The following MPP7 variants were observed in gnomAD, a reference collection of about 807,000 sequenced individuals.
MPP7 encodes MAGUK p55 scaffold protein 7.
Under a neutral mutation model 76.5 loss-of-function variants are expected in MPP7, and 60 were observed. That is an observed-to-expected ratio of 0.78 (90% confidence interval 0.64 to 0.97). MPP7 has a LOEUF of 0.97. Among genes scored for constraint, MPP7 ranks in the 50% least tolerant of loss-of-function variants. MPP7 has a pLI of 0.00. For synonymous variants in MPP7, 237 were observed against 244.5 expected, an observed-to-expected ratio of 0.97 and a Z score of 0.29; for missense variants, 641 against 694.0, an observed-to-expected ratio of 0.92 and a Z score of 0.86.
At chr10:28,267,016 A>C (rs1840168218) in intron 1 of MPP7, among the ~76,000 whole-genome samples, 1 of 152,204 alleles carries the variant, frequency 6.6e-6, no homozygotes, top group Non-Finnish European at 1.5e-5. Context: ...TCAAAGAGCT[A>C]AGGTATGCCG....
chr10:28,133,986 T>A (rs1279350039), intron 5 of MPP7, among the ~76,000 whole-genome samples: 4 of 152,196 alleles, frequency 2.6e-5, no homozygotes, highest in African/African-American at 9.7e-5. Flanking sequence ...TTGTTTTCCG[T>A]TCTTGGCTAG....
At chr10:28,134,202 AATTTGGCCATTCCAAGTG>A (rs1835284745) in intron 5 of MPP7, among the ~76,000 whole-genome samples, 2 of 152,142 alleles carry the variant, frequency 1.3e-5, no homozygotes, top group Non-Finnish European at 2.9e-5. Flanking sequence ...TATTAGTCTA[AATTTGGCCATTCCAAGTG>A]TATAGCGGTA....
At chr10:28,257,736 A>T (rs919652145) in intron 1 of MPP7, among the ~76,000 whole-genome samples, 2 of 86,450 alleles carry the variant, frequency 2.3e-5, no homozygotes, top group African/African-American at 9.3e-5. Context: ...CCTAAAACTT[A>T]AAGTATAATA....
intron 1 of MPP7, among the ~76,000 whole-genome samples, chr10:28,277,760 G>A (rs749520930): frequency 9.2e-5 from 14 of 152,090 alleles, no homozygotes; most frequent in Non-Finnish European, 1.8e-4. Flanking sequence ...TGATAGTGAT[G>A]AGATTAGAAT....
rs1380028449 is a variant in MPP7, at chr10:28,185,409, GA to G, written c.156+16743del. ...TGGGACATGAGTTTCTGGAAGCACA[GA>G]AAAGTACTCAATATACCTGACTGTC... is the stretch of plus-strand genomic sequence containing the variant. On this transcript the variant is annotated intron_variant, in intron 3 of 16. Coordinates refer to ENST00000683449, the MANE Select transcript of MPP7 (RefSeq NM_001318170.2). Among the ~76,000 whole-genome samples, 4 of 152,186 alleles carry G rather than the reference GA, an allele frequency of 2.6e-5. No individual in the cohort carries two copies. The East Asian group carries it at 7.7e-4, about 29-fold the overall frequency.
At chr10:28,133,732 CT>C (rs1449849886) in intron 5 of MPP7, among the ~76,000 whole-genome samples, 1 of 152,158 alleles carries the variant, frequency 6.6e-6, no homozygotes, top group African/African-American at 2.4e-5. Context: ...GTGGCCCCCA[CT>C]TATGCTCATT....
intron 2 of MPP7, among the ~76,000 whole-genome samples, chr10:28,218,001 G>T (rs1050363362): frequency 5.9e-5 from 9 of 152,214 alleles, no homozygotes; most frequent in Non-Finnish European, 1.3e-4. Context: ...CACATATTGG[G>T]TTGATGATTC....
intron 2 of MPP7, among the ~76,000 whole-genome samples, chr10:28,222,398 T>A (rs891310443): frequency 6.6e-6 from 1 of 151,702 alleles, no homozygotes; most frequent in Non-Finnish European, 1.5e-5. Context: ...GGCAGGAGGA[T>A]CACCTGGGCC....
Position 28,291,015 on chromosome 10 carries a change from T to C in MPP7, c.-132+11846A>G, listed in dbSNP as rs1840905982. On this transcript the variant is annotated intron_variant, in intron 1 of 16. Transcript: ENST00000683449. ...CCTGATGACACGATTTTGTAAACTT[T>C]TGCCACCATATATTAACAATGTCCA... Among the ~76,000 whole-genome samples, 3 of 152,350 alleles carry C rather than the reference T, an allele frequency of 2.0e-5. No homozygotes were observed. In the South Asian group the frequency reaches 6.2e-4, roughly 32 times the overall value.
intron 1 of MPP7, among the ~76,000 whole-genome samples, chr10:28,293,043 T>TAAA (rs56883523): frequency 1.6e-5 from 2 of 122,386 alleles, no homozygotes; most frequent in African/African-American, 6.0e-5. Context: ...CCCAGAAGGT[T>TAAA]AAAAAAAAAA....
chr10:28,115,991 TAAG>T (rs1834654375), intron 11 of MPP7, among the ~76,000 whole-genome samples: 1 of 152,172 alleles, frequency 6.6e-6, no homozygotes, highest in African/African-American at 2.4e-5. Flanking sequence ...AATTTTGAAT[TAAG>T]GTTATTCAGT....
upstream of MPP7, among the ~76,000 whole-genome samples, chr10:28,306,848 A>C (rs954645429): frequency 1.3e-5 from 2 of 152,168 alleles, no homozygotes; most frequent in Admixed American, 1.3e-4. Context: ...AAAAGCCAGG[A>C]GGAACTCAAT....
intron 11 of MPP7, among the ~76,000 whole-genome samples, chr10:28,103,216 G>C (rs1853914478): frequency 6.6e-6 from 1 of 150,888 alleles, no homozygotes; most frequent in African/African-American, 2.4e-5. Context: ...CTGTCTCAGG[G>C]CCTTTGCATA....
intron 1 of MPP7, among the ~76,000 whole-genome samples, chr10:28,247,456 T>C (rs953318613): frequency 6.6e-6 from 1 of 152,230 alleles, no homozygotes; most frequent in African/African-American, 2.4e-5. Context: ...TATTTATGTA[T>C]GTATGTTTTG....
intron 11 of MPP7, among the ~76,000 whole-genome samples, chr10:28,108,199 T>G (rs1588779605): frequency 6.6e-6 from 1 of 152,226 alleles, no homozygotes; most frequent in South Asian, 2.1e-4. Flanking sequence ...CTTTGTTTCC[T>G]TTTCTTAAAA....
chr10:28,218,347 A>G (rs888312833), intron 2 of MPP7, among the ~76,000 whole-genome samples: 1 of 152,192 alleles, frequency 6.6e-6, no homozygotes, highest in Non-Finnish European at 1.5e-5. Context: ...ATATGACACT[A>G]AAACCATTTA....
At chr10:28,061,476 C>G (rs1278484927) in intron 13 of MPP7, among the ~76,000 whole-genome samples, 10 of 151,282 alleles carry the variant, frequency 6.6e-5, no homozygotes, top group Admixed American at 6.6e-4. Context: ...GAAGACAGAA[C>G]AATAAAATTA....
intron 1 of MPP7, among the ~76,000 whole-genome samples, chr10:28,280,719 A>G (rs1382712553): frequency 6.6e-6 from 1 of 152,108 alleles, no homozygotes; most frequent in African/African-American, 2.4e-5. Flanking sequence ...GCTAGGGCGC[A>G]GCCTAGAGGA....
At chr10:28,260,778 A>C (rs1839925470) in intron 1 of MPP7, among the ~76,000 whole-genome samples, 1 of 151,516 alleles carries the variant, frequency 6.6e-6, no homozygotes, top group South Asian at 2.1e-4. Context: ...TCAAAAAAAA[A>C]AAAAAAAAAA....
Sources: gnomAD v4.1 joint callset for allele counts (sites outside exome capture counted in the v4.1 genomes callset) on GRCh38, gnomAD v4.1.1 for gene constraint, MANE v1.5 for transcripts, NCBI Gene and HGNC (gene_info 2026-07-23, HGNC 2026-07-21) for gene names.